SLCO6A1: variants seen among roughly 807,000 people sequenced by gnomAD.
SLCO6A1 encodes the protein solute carrier organic anion transporter family member 6A1.
In SLCO6A1, 65 loss-of-function variants were observed where a neutral mutation model predicts 72.7. That is an observed-to-expected ratio of 0.89 (90% confidence interval 0.73 to 1.10). The LOEUF is 1.10. Among genes scored for constraint, SLCO6A1 ranks in the 50% least tolerant of loss-of-function variants. The pLI, the probability that SLCO6A1 is intolerant of heterozygous loss-of-function variation, is 0.00. For synonymous variants in SLCO6A1, 314 were observed against 298.2 expected (o/e 1.05, Z -0.55); for missense variants, 874 against 872.6 (o/e 1.00, Z -0.02).
intron 7 of SLCO6A1, 38 bp from the exon 8 acceptor site, chr5:102,420,059 T>G (rs1181236039): frequency 1.3e-6 from 2 of 1,492,214 alleles, no homozygotes; most frequent in South Asian, 2.7e-5. Flanking sequence ...TTAAAAATAA[T>G]CAGCTGATAG....
intron 2 of SLCO6A1, among the ~76,000 whole-genome samples, chr5:102,479,167 C>T (rs994729230): frequency 3.9e-5 from 6 of 152,038 alleles, no homozygotes; most frequent in African/African-American, 1.2e-4. Context: ...TTGCTGTTCT[C>T]GTGATAGTGA....
Position 102,399,633 on chromosome 5 carries a change from G to A in SLCO6A1, c.1736C>T (p.Pro579Leu). The A allele has an allele frequency of 6.2e-7, 1 of 1,607,650 alleles. No homozygotes were observed. The part of the protein sequence containing the change: ...GKCDAKCYKL[P>L]LFIAFIFSTL... ...AGAAAAGATAAAAGCAATGAACAAA[G>A]GTAACTTATAGCACTTTGCATCACA... Residue 579 changes from proline (P) to leucine (L), a missense_variant, in exon 10 of 14, where the codon CCT becomes CTT. By Grantham distance (98) the Pro-to-Leu change is moderately conservative. Transcript: ENST00000506729.
At chr5:102,447,586 C>T (rs1173824365) in intron 6 of SLCO6A1, among the ~76,000 whole-genome samples, 1 of 151,960 alleles carries the variant, frequency 6.6e-6, no homozygotes, top group Non-Finnish European at 1.5e-5. Context: ...TCAATTTCTT[C>T]CTGGTTCAAT....
intron 7 of SLCO6A1, among the ~76,000 whole-genome samples, chr5:102,421,257 C>G (rs1472036677): frequency 6.6e-6 from 1 of 151,848 alleles, no homozygotes; most frequent in Non-Finnish European, 1.5e-5. Flanking sequence ...GCACCTGGAA[C>G]CCCAGTGAGA....
chr5:102,383,610 A>T, intron 12 of SLCO6A1, among the ~76,000 whole-genome samples: 1 of 151,686 alleles, frequency 6.6e-6, no homozygotes, highest in Non-Finnish European at 1.5e-5. Context: ...TATTTTCTTG[A>T]GGATTTCAGC....
chr5:102,473,439 C>T (rs574429135), intron 4 of SLCO6A1, among the ~76,000 whole-genome samples: 80 of 152,076 alleles, frequency 5.3e-4, no homozygotes, highest in African/African-American at 1.9e-3. Flanking sequence ...GACAAAAACA[C>T]TGAGAAAACT....
intron 8 of SLCO6A1, among the ~76,000 whole-genome samples, chr5:102,417,471 T>C (rs1175273318): frequency 1.3e-5 from 2 of 152,096 alleles, no homozygotes; most frequent in Non-Finnish European, 2.9e-5. Flanking sequence ...ATAATTTCAT[T>C]TTAACTATGT....
intron 6 of SLCO6A1, among the ~76,000 whole-genome samples, chr5:102,441,979 GTTAT>G (rs1749860049): frequency 6.6e-6 from 1 of 151,798 alleles, no homozygotes; most frequent in Non-Finnish European, 1.5e-5. Context: ...GCTCACAAAT[GTTAT>G]TTATTCATTT....
At chr5:102,438,350 A>G (rs571473084) in intron 7 of SLCO6A1, among the ~76,000 whole-genome samples, 2 of 152,028 alleles carry the variant, frequency 1.3e-5, no homozygotes, top group Non-Finnish European at 2.9e-5. Flanking sequence ...CATGCATGGG[A>G]ATGATTCACT....
At chr5:102,402,121 TAATTGA>T (rs1433418326) in intron 9 of SLCO6A1, among the ~76,000 whole-genome samples, 2 of 152,100 alleles carry the variant, frequency 1.3e-5, no homozygotes, top group Non-Finnish European at 2.9e-5. Context: ...AATAGCAGAA[TAATTGA>T]AATTGAGATC....
intron 4 of SLCO6A1, among the ~76,000 whole-genome samples, chr5:102,466,807 A>G (rs1352045967): frequency 6.6e-6 from 1 of 152,134 alleles, no homozygotes; most frequent in African/African-American, 2.4e-5. Flanking sequence ...TGTGGACCAC[A>G]TGTATGTCTT....
chr5:102,430,968 T>G (rs939564260), intron 7 of SLCO6A1, among the ~76,000 whole-genome samples: 10 of 152,040 alleles, frequency 6.6e-5, no homozygotes, highest in African/African-American at 2.4e-4. Flanking sequence ...ATTTCAGTTT[T>G]GGAGCTCATT....
intron 4 of SLCO6A1, among the ~76,000 whole-genome samples, chr5:102,463,865 G>A (rs962287443): frequency 7.0e-6 from 1 of 143,288 alleles, no homozygotes; most frequent in African/African-American, 2.6e-5. Context: ...CAGCCTGGGC[G>A]ACAAGAGTGA....
At chr5:102,437,265 T>G (rs1342772778) in intron 7 of SLCO6A1, among the ~76,000 whole-genome samples, 4 of 152,210 alleles carry the variant, frequency 2.6e-5, no homozygotes, top group Non-Finnish European at 5.9e-5. Context: ...CAAATTTCAT[T>G]CTTGCCAAGG....
chr5:102,411,229 G>GTGTGTGTGTTTGTGTGTGTA (rs1479361166), intron 9 of SLCO6A1, among the ~76,000 whole-genome samples: 1 of 151,838 alleles, frequency 6.6e-6, no homozygotes, highest in African/African-American at 2.4e-5. Flanking sequence ...ATATATATGT[G>GTGTGTGTGTTTGTGTGTGTA]TGTGTGTGTT....
At chr5:102,405,827 A>G (rs1250311914) in intron 9 of SLCO6A1, among the ~76,000 whole-genome samples, 1 of 152,108 alleles carries the variant, frequency 6.6e-6, no homozygotes, top group Non-Finnish European at 1.5e-5. Flanking sequence ...TCATAATATT[A>G]TCTATCACAA....
intron 12 of SLCO6A1, among the ~76,000 whole-genome samples, chr5:102,381,813 T>C (rs944336025): frequency 1.3e-5 from 2 of 151,308 alleles, no homozygotes; most frequent in African/African-American, 4.8e-5. Context: ...ATTTTCCTGA[T>C]GATTAGTGAT....
chr5:102,471,958 G>A (rs1396974847), intron 4 of SLCO6A1, among the ~76,000 whole-genome samples: 1 of 152,018 alleles, frequency 6.6e-6, no homozygotes. Context: ...GATAGCCATG[G>A]CCTTCAGAAG....
At chr5:102,494,260 T>C (rs957734719) in intron 1 of SLCO6A1, among the ~76,000 whole-genome samples, 7 of 152,094 alleles carry the variant, frequency 4.6e-5, no homozygotes, top group Non-Finnish European at 1.0e-4. Flanking sequence ...ATCCTTTCCA[T>C]ACACCAAAAC....
Sources: gnomAD v4.1 joint callset for allele counts (sites outside exome capture counted in the v4.1 genomes callset) on GRCh38, gnomAD v4.1.1 for gene constraint, MANE v1.5 for transcripts, NCBI Gene and HGNC (gene_info 2026-07-23, HGNC 2026-07-21) for gene names.